The following SDC2 variants were observed in gnomAD, a reference collection of about 807,000 sequenced individuals.
SDC2 encodes the protein syndecan-2.
Under a neutral mutation model 22.2 loss-of-function variants are expected in SDC2, and 13 were observed. The observed-to-expected ratio is 0.59, with a 90% CI of 0.38 to 0.93. The LOEUF is 0.93. Among genes scored for constraint, SDC2 ranks in the 40% least tolerant of loss-of-function variants. The pLI is 0.00. For synonymous variants in SDC2, 94 were observed against 92.8 expected (o/e 1.01, Z -0.07); for missense variants, 235 against 246.8 (o/e 0.95, Z 0.32).
At chr8:96,517,862 T>A (rs540990925) in intron 1 of SDC2, among the ~76,000 whole-genome samples, 2 of 152,100 alleles carry the variant, frequency 1.3e-5, no homozygotes, top group Admixed American at 6.5e-5. Context: ...ATTTAGGTGA[T>A]TAGGGAAATG....
At chr8:96,603,752 C>T (rs1278570966) in intron 3 of SDC2, among the ~76,000 whole-genome samples, 1 of 152,120 alleles carries the variant, frequency 6.6e-6, no homozygotes, top group African/African-American at 2.4e-5. Context: ...GTGGAACAGC[C>T]AGGAAGCCAG....
chr8:96,537,601 G>A (rs1393946990), intron 1 of SDC2, among the ~76,000 whole-genome samples: 1 of 152,202 alleles, frequency 6.6e-6, no homozygotes, highest in East Asian at 1.9e-4. Context: ...ATGACTAGGT[G>A]TTCAGAGAAG....
intron 1 of SDC2, among the ~76,000 whole-genome samples, chr8:96,535,131 T>A (rs1586286029): frequency 6.6e-6 from 1 of 151,996 alleles, no homozygotes; most frequent in African/African-American, 2.4e-5. Flanking sequence ...TGCGTCAGCC[T>A]CCGAGTAGCT....
Position 96,610,839 on chromosome 8 carries a change from T to C in SDC2, c.*1291T>C, listed in dbSNP as rs1815163287. The C allele has an allele frequency of 6.6e-6, 1 of 152,660 alleles. No individual in the cohort carries two copies. Among genetic ancestry groups the C allele is most frequent in the Admixed American group, 6.5e-5 (1 of 15,280 alleles). The allele number at this position is 152,660 out of a possible 1,614,324, so 9.5% of individuals were successfully genotyped here. A position where few individuals can be genotyped will look rare whatever the true frequency, so the allele number is the denominator to read the frequency against. Reference sequence around the variant, plus strand: ...GAATTGGCCAGAGGAAATCTGAATGTATTATCCTGTGTGTGTCTAGGTAGA... The same window carrying C: ...GAATTGGCCAGAGGAAATCTGAATGCATTATCCTGTGTGTGTCTAGGTAGA... On this transcript the variant is annotated 3_prime_UTR_variant, in exon 5 of 5. Transcript: ENST00000302190.
intron 1 of SDC2, among the ~76,000 whole-genome samples, chr8:96,507,591 G>A (rs1388985190): frequency 1.3e-5 from 2 of 152,306 alleles, no homozygotes; most frequent in East Asian, 1.9e-4. Flanking sequence ...TAGGAAGATT[G>A]TGGAGATTTA....
Position 96,589,647 on chromosome 8 carries a change from G to A in SDC2, c.61-3833G>A, listed in dbSNP as rs1490999847. The stretch of plus-strand genomic sequence containing the variant: ...GCTGGTCTCAAACTCCTGACCTCAG[G>A]TGATCCGCCCGCCTTGGCCTCCCAA... On this transcript the variant is annotated intron_variant, in intron 1 of 4. Coordinates refer to ENST00000302190, the MANE Select transcript of SDC2 (RefSeq NM_002998.4). Among the ~76,000 whole-genome samples, 7 of 152,196 alleles carry A rather than the reference G, an allele frequency of 4.6e-5. No homozygotes were observed. In the South Asian group the frequency reaches 6.2e-4, roughly 14 times the overall value.
At chr8:96,532,232 C>T (rs17785795) in intron 1 of SDC2, among the ~76,000 whole-genome samples, 4,398 of 152,180 alleles carry the variant, frequency 0.029, 84 homozygotes, top group Non-Finnish European at 0.044. Context: ...TTAGTAATAG[C>T]TGCCATGAGT....
In SDC2 at chr8:96,565,829, G is replaced by A. The variant is rs147949471; in HGVS notation, c.61-27651G>A. On this transcript the variant is annotated intron_variant, in intron 1 of 4. Coordinates refer to ENST00000302190, the MANE Select transcript of SDC2 (RefSeq NM_002998.4). ...GAGGTGAAGGATTCAGGGATAGGCA[G>A]TAGAGTGATCAAAGACCTGGAAGTT... Among the ~76,000 whole-genome samples, 396 of 152,272 alleles carry A rather than the reference G, an allele frequency of 2.6e-3. 2 individuals carry two copies. Among genetic ancestry groups the A allele is most frequent in the African/African-American group, 9.2e-3 (381 of 41,526 alleles).
intron 1 of SDC2, among the ~76,000 whole-genome samples, chr8:96,556,137 G>C (rs1030656739): frequency 2.6e-5 from 4 of 151,800 alleles, no homozygotes; most frequent in African/African-American, 9.7e-5. Flanking sequence ...AAAGTTTATG[G>C]TTTGGATTAT....
In SDC2 at chr8:96,565,097, T is replaced by TTTTTTTTTTTTTTTTTTTTTTTTTTG. The variant is rs1329448270; in HGVS notation, c.61-28381_61-28380insTTTTTTTTTTTTTTTTTTTTTTTGTT. ...ATCCTAAATTTGATTTTTTTTTTTT[T>TTTTTTTTTTTTTTTTTTTTTTTTTTG]TTGTTGAGATGGGGAGTGTTGCTCT... On this transcript the variant is annotated intron_variant, in intron 1 of 4. Transcript: ENST00000302190. Among the ~76,000 whole-genome samples, 17 of 128,670 alleles carry TTTTTTTTTTTTTTTTTTTTTTTTTTG rather than the reference T, an allele frequency of 1.3e-4. 2 individuals carry two copies. Among genetic ancestry groups the TTTTTTTTTTTTTTTTTTTTTTTTTTG allele is most frequent in the African/African-American group, 5.1e-4 (16 of 31,350 alleles). 84.4% of individuals were successfully genotyped at this position (128,670 alleles called of 152,430 possible). A position where few individuals can be genotyped will look rare whatever the true frequency, so the allele number is the denominator to read the frequency against.
At chr8:96,513,761 G>C (rs758319948) in intron 1 of SDC2, among the ~76,000 whole-genome samples, 1 of 152,140 alleles carries the variant, frequency 6.6e-6, no homozygotes, top group Non-Finnish European at 1.5e-5. Context: ...GGAAACTTCC[G>C]ATCTCGACTG....
intron 1 of SDC2, among the ~76,000 whole-genome samples, chr8:96,536,413 A>G (rs1021002878): frequency 2.0e-5 from 3 of 152,170 alleles, no homozygotes; most frequent in Admixed American, 1.3e-4. Flanking sequence ...CTCAACCTCT[A>G]TGGCCCAAGG....
chr8:96,565,097 T>G (rs189004905), intron 1 of SDC2, among the ~76,000 whole-genome samples: 3,125 of 128,608 alleles, frequency 0.024, 200 homozygotes, highest in African/African-American at 0.076. Flanking sequence ...TTTTTTTTTT[T>G]TTGTTGAGAT....
intron 1 of SDC2, among the ~76,000 whole-genome samples, chr8:96,541,625 T>C (rs567845881): frequency 1.6e-4 from 25 of 152,164 alleles, no homozygotes; most frequent in African/African-American, 5.3e-4. Flanking sequence ...ATTCCATTTA[T>C]ATGAGGTACC....
chr8:96,524,803 T>C (rs974247166), intron 1 of SDC2, among the ~76,000 whole-genome samples: 6 of 152,214 alleles, frequency 3.9e-5, no homozygotes, highest in Non-Finnish European at 5.9e-5. Context: ...GCAGGCTTCA[T>C]TGGGCTGTTC....
intron 4 of SDC2, among the ~76,000 whole-genome samples, chr8:96,608,777 A>G (rs1815127630): frequency 6.6e-6 from 1 of 152,218 alleles, no homozygotes; most frequent in Non-Finnish European, 1.5e-5. Context: ...GTGGAGATCC[A>G]TCAGTCTTGC....
chr8:96,506,473 T>C (rs1342243373), intron 1 of SDC2, among the ~76,000 whole-genome samples: 2 of 152,074 alleles, frequency 1.3e-5, no homozygotes, highest in African/African-American at 4.8e-5. Context: ...ATTACATATA[T>C]GTATCCGGTG....
chr8:96,511,702 A>G (rs762752985), intron 1 of SDC2, among the ~76,000 whole-genome samples: 9 of 152,210 alleles, frequency 5.9e-5, no homozygotes, highest in Admixed American at 6.5e-5. Flanking sequence ...AGATTGGCTT[A>G]AGCAATGGAA....
chr8:96,560,290 G>A (rs987222952), intron 1 of SDC2, among the ~76,000 whole-genome samples: 5 of 152,180 alleles, frequency 3.3e-5, no homozygotes, highest in Non-Finnish European at 5.9e-5. Flanking sequence ...CAGCTTGCTA[G>A]TACTATGACC....
Sources: allele counts gnomAD v4.1 joint callset (sites outside exome capture counted in the v4.1 genomes callset), GRCh38; gene constraint gnomAD v4.1.1; transcripts MANE v1.5; gene names NCBI Gene and HGNC (gene_info 2026-07-23, HGNC 2026-07-21).